Variants in MCMBP observed in about 807,000 individuals in gnomAD.
MCMBP encodes the protein mini-chromosome maintenance complex-binding protein.
In MCMBP, 31 loss-of-function variants were observed where a neutral mutation model predicts 81.3. The observed-to-expected ratio is 0.38, with a 90% CI of 0.29 to 0.51. The LOEUF (loss-of-function observed/expected upper bound fraction) is 0.51, where lower values mean the gene tolerates loss of function less well. Among genes scored for constraint, MCMBP ranks in the 20% least tolerant of loss-of-function variants. MCMBP has a pLI of 0.87. For synonymous variants in MCMBP, 267 were observed against 275.9 expected (o/e 0.97, Z 0.32); for missense variants, 645 against 772.1 (o/e 0.84, Z 1.95).
At chr10:119,835,119 T>C (rs1229803019) in intron 14 of MCMBP, among the ~76,000 whole-genome samples, 4 of 152,152 alleles carry the variant, frequency 2.6e-5, no homozygotes, top group Non-Finnish European at 5.9e-5. Context: ...GGACATACAA[T>C]GTACTGAGAG....
intron 5 of MCMBP, among the ~76,000 whole-genome samples, chr10:119,853,672 G>T (rs941310649): frequency 6.6e-6 from 1 of 152,206 alleles, no homozygotes; most frequent in African/African-American, 2.4e-5. Flanking sequence ...GACCCTGAAG[G>T]TTCCATTTGG....
intron 8 of MCMBP, among the ~76,000 whole-genome samples, chr10:119,845,589 G>A (rs1374792538): frequency 6.6e-6 from 1 of 152,154 alleles, no homozygotes; most frequent in African/African-American, 2.4e-5. Context: ...AGCAGGAATG[G>A]GGATAGCCGA....
intron 8 of MCMBP, among the ~76,000 whole-genome samples, chr10:119,845,215 A>G (rs1759693431): frequency 6.6e-6 from 1 of 152,218 alleles, no homozygotes; most frequent in Non-Finnish European, 1.5e-5. Context: ...AAAGTTGTTT[A>G]AAATTTTTGT....
intron 4 of MCMBP, among the ~76,000 whole-genome samples, chr10:119,858,548 T>A (rs891913793): frequency 6.6e-6 from 1 of 152,162 alleles, no homozygotes; most frequent in African/African-American, 2.4e-5. Context: ...CAGCTTTCTA[T>A]GAAAGAAACA....
At chr10:119,833,271 GCAA>G (rs1564868454) in intron 14 of MCMBP, among the ~76,000 whole-genome samples, 1 of 152,180 alleles carries the variant, frequency 6.6e-6, no homozygotes, top group East Asian at 1.9e-4. Flanking sequence ...GTAACAAACA[GCAA>G]CAACAATAAA....
At chr10:119,865,712 G>T (rs1386875553) in intron 1 of MCMBP, among the ~76,000 whole-genome samples, 3 of 152,106 alleles carry the variant, frequency 2.0e-5, no homozygotes, top group African/African-American at 7.2e-5. Context: ...TAACCTAAGT[G>T]TCCATCAGCA....
chr10:119,868,764 A>C (rs1853561976), intron 1 of MCMBP, among the ~76,000 whole-genome samples: 1 of 152,232 alleles, frequency 6.6e-6, no homozygotes, highest in African/African-American at 2.4e-5. Flanking sequence ...TTAAGTTCCC[A>C]AAGGAAAAGT....
chr10:119,868,871 A>C (rs1853564659), intron 1 of MCMBP, among the ~76,000 whole-genome samples: 1 of 152,216 alleles, frequency 6.6e-6, no homozygotes, highest in African/African-American at 2.4e-5. Context: ...TCAAAATTAA[A>C]GAACTGAAAA....
intron 6 of MCMBP, among the ~76,000 whole-genome samples, chr10:119,850,816 A>G (rs962254100): frequency 9.3e-5 from 14 of 150,986 alleles, no homozygotes; most frequent in South Asian, 2.1e-4. Flanking sequence ...ACATTCTACT[A>G]TAATTACGTA....
Position 119,857,364 on chromosome 10 carries a change from G to A in MCMBP, c.403C>T (p.Pro135Ser). 6.2e-7 allele frequency: 1 copy of A among 1,609,396 alleles called. No individual in the cohort carries two copies. The highest frequency in any genetic ancestry group is 8.5e-7 in the Non-Finnish European group (1 of 1,176,746). ...ERQTFYCVPV[P>S]GESTWVKEAY... ...TCTTTTACCCACGTAGATTCCCCAG[G>A]CACCGGAACACAATAGAAAGTCTGT... The change falls in exon 5 of 16, where the codon CCT becomes TCT. Residue 135 changes from proline (P) to serine (S), a missense_variant. Transcript: ENST00000369077.
At chr10:119,856,199 C>T (rs1853034658) in intron 5 of MCMBP, among the ~76,000 whole-genome samples, 1 of 152,162 alleles carries the variant, frequency 6.6e-6, no homozygotes, top group African/African-American at 2.4e-5. Context: ...TTCAGACTAG[C>T]AGCAGAGCAA....
chr10:119,852,582 G>T lies in MCMBP; in HGVS notation c.574+468C>A, dbSNP rs905259278. Among the ~76,000 whole-genome samples, 6 of 152,306 alleles carry T rather than the reference G, an allele frequency of 3.9e-5. No homozygotes were observed. In the South Asian group the frequency reaches 8.3e-4, roughly 21 times the overall value. ...CCTTAGCTACTAGGCAGGTTGAAGTGACAGGGGATCACTTGAGCCCAGGAG... is the reference window on the plus strand; with the variant it reads ...CCTTAGCTACTAGGCAGGTTGAAGTTACAGGGGATCACTTGAGCCCAGGAG... On this transcript the variant is annotated intron_variant, in intron 6 of 15. Coordinates refer to ENST00000369077, the MANE Select transcript of MCMBP (RefSeq NM_001256378.2).
intron 4 of MCMBP, chr10:119,857,842 G>C (rs1853107520): frequency 6.5e-6 from 1 of 153,220 alleles, no homozygotes; most frequent in African/African-American, 2.4e-5. Flanking sequence ...AACAGAAGTT[G>C]TTGCTCATTA....
chr10:119,859,191 A>G lies in MCMBP; in HGVS notation c.145-10T>C, dbSNP rs1290338014. 1 of 1,610,194 alleles carries G rather than the reference A, an allele frequency of 6.2e-7. No individual in the cohort carries two copies. The highest frequency in any genetic ancestry group is 8.5e-7 in the Non-Finnish European group (1 of 1,178,910). On this transcript the variant is annotated splice_polypyrimidine_tract_variant and intron_variant, in intron 2 of 15. Coordinates refer to ENST00000369077, the MANE Select transcript of MCMBP (RefSeq NM_001256378.2). ...CGTTCAGTGATGGTACCTTAAAGGA[A>G]AATAATCAAGTCAGTCAACTAAATA... is the stretch of plus-strand genomic sequence containing the variant.
chr10:119,867,790 C>T (rs1853524913), intron 1 of MCMBP, among the ~76,000 whole-genome samples: 1 of 152,160 alleles, frequency 6.6e-6, no homozygotes, highest in Non-Finnish European at 1.5e-5. Flanking sequence ...CCAACCACTT[C>T]CCCTGTTCTT....
At chr10:119,865,333 C>T (rs775950910) in intron 1 of MCMBP, among the ~76,000 whole-genome samples, 8 of 152,110 alleles carry the variant, frequency 5.3e-5, no homozygotes, top group African/African-American at 9.7e-5. Context: ...GGCTTATGCC[C>T]GTAATCCCAG....
chr10:119,859,776 C>G, intron 2 of MCMBP, 23 bp downstream of exon 2: 1 of 1,565,638 alleles, frequency 6.4e-7, no homozygotes, highest in Non-Finnish European at 8.8e-7. Context: ...AACCCTCTCC[C>G]TCGAAAATAG....
intron 5 of MCMBP, among the ~76,000 whole-genome samples, chr10:119,855,067 GACAA>G (rs772125048): frequency 9.3e-5 from 14 of 151,326 alleles, no homozygotes; most frequent in Non-Finnish European, 1.8e-4. Flanking sequence ...TTATATAAAA[GACAA>G]ACGACTGTTA....
chr10:119,866,014 G>A (rs2420799), intron 1 of MCMBP, among the ~76,000 whole-genome samples: 1 of 151,778 alleles, frequency 6.6e-6, no homozygotes, highest in African/African-American at 2.4e-5. Flanking sequence ...CTTGAGACTG[G>A]AAGTTCAAGG....
Sources: gnomAD v4.1 joint callset for allele counts (sites outside exome capture counted in the v4.1 genomes callset) on GRCh38, gnomAD v4.1.1 for gene constraint, MANE v1.5 for transcripts, NCBI Gene and HGNC (gene_info 2026-07-23, HGNC 2026-07-21) for gene names.